PDXDC1: variants seen among roughly 807,000 people sequenced by gnomAD.
PDXDC1 encodes the protein pyridoxal-dependent decarboxylase domain-containing protein 1.
A neutral mutation model predicts 100.1 loss-of-function variants in PDXDC1; 42 were observed. The observed-to-expected ratio is 0.42, with a 90% CI of 0.33 to 0.54. PDXDC1 has a LOEUF of 0.54. PDXDC1 is among the 20% of genes least tolerant of loss of function. The pLI is 0.10. For missense variants in PDXDC1, 636 were observed against 979.2 expected, an observed-to-expected ratio of 0.65 and a Z score of 4.68; for synonymous variants, 260 against 371.7, an observed-to-expected ratio of 0.70 and a Z score of 3.46.
chr16:15,009,981 T>C (rs1272503012), intron 8 of PDXDC1, among the ~76,000 whole-genome samples: 1 of 152,302 alleles, frequency 6.6e-6, no homozygotes, highest in African/African-American at 2.4e-5. Flanking sequence ...GTATACTTTT[T>C]CATTTAGATG....
rs548149556 is a variant in PDXDC1, at chr16:14,999,379, G to C, written c.161+974G>C. 6.6e-5 allele frequency among the ~76,000 whole-genome samples: 10 copies of C among 152,014 alleles called. No individual in the cohort carries two copies. In the East Asian group the frequency reaches 2.0e-3, roughly 30 times the overall value. The stretch of plus-strand genomic sequence containing the variant: ...ACCGCACCTGGCCAAAAATTTTTTA[G>C]AAAACCAACAATTTAATACAACCTC... On this transcript the variant is annotated intron_variant, in intron 3 of 22. Coordinates refer to ENST00000396410, the MANE Select transcript of PDXDC1 (RefSeq NM_015027.4).
chr16:15,036,384 C>A lies in PDXDC1; in HGVS notation c.*109C>A. On this transcript the variant is annotated 3_prime_UTR_variant, in exon 23 of 23. Transcript: ENST00000396410. Reference sequence around the variant, plus strand: ...CTAATATAAATTACTGTTGTTTGTGCTTCACTGGGATTTTGGCACAAATAT... The same window carrying A: ...CTAATATAAATTACTGTTGTTTGTGATTCACTGGGATTTTGGCACAAATAT... 1 of 1,136,434 alleles carries A rather than the reference C, an allele frequency of 8.8e-7. No homozygotes were observed. Among genetic ancestry groups the A allele is most frequent in the African/African-American group, 1.5e-5 (1 of 64,532 alleles). The allele number at this position is 1,136,434 out of a possible 1,614,324, so 70.4% of individuals were successfully genotyped here.
intron 1 of PDXDC1, among the ~76,000 whole-genome samples, chr16:14,982,391 G>A (rs1485197829): frequency 1.3e-5 from 2 of 152,280 alleles, no homozygotes; most frequent in African/African-American, 4.8e-5. Context: ...GGGAGGCCGA[G>A]GTGGGTGGAT....
intron 16 of PDXDC1, among the ~76,000 whole-genome samples, chr16:15,057,786 G>A (rs2044579549): frequency 6.6e-6 from 1 of 152,250 alleles, no homozygotes; most frequent in Admixed American, 6.5e-5. Flanking sequence ...GCATTTGGAA[G>A]TGCAAAGGTG....
At chr16:15,047,606 A>C in intron 16 of PDXDC1, 1 of 1,263,090 alleles carries the variant, frequency 7.9e-7, no homozygotes, top group Non-Finnish European at 1.2e-6. Context: ...TGCAGTGCGC[A>C]GGCCGAGACT....
intron 16 of PDXDC1, chr16:15,131,265 T>G (rs1260705874): frequency 6.3e-7 from 1 of 1,588,460 alleles, no homozygotes; most frequent in East Asian, 2.2e-5. Context: ...TGGCGCGCTC[T>G]GAGGCCAGCC....
Position 15,035,509 on chromosome 16 carries a change from T to C in PDXDC1, c.2063T>C (p.Leu688Pro), listed in dbSNP as rs1401446597. The change falls in exon 22 of 23, where the codon CTG (leucine) becomes CCG (proline). Residue 688 changes from leucine to proline, a missense_variant. Transcript: ENST00000396410. ...VYKAQGAGVT[L>P]PPTPSGSRTK... is the part of the protein sequence containing the mutation. ...AAAGCACAAGGTGCAGGAGTCACGC[T>C]GCCTCCAACGCCCTCGGGCAGTCGC... 6 of 1,612,624 alleles carry C rather than the reference T, an allele frequency of 3.7e-6. No homozygotes were observed. Among genetic ancestry groups the C allele is most frequent in the Non-Finnish European group, 3.4e-6 (4 of 1,179,600 alleles).
chr16:15,041,819 T>C, downstream of PDXDC1: 3 of 696,106 alleles, frequency 4.3e-6, no homozygotes, highest in Non-Finnish European at 2.6e-6. Context: ...TGCCACAGCC[T>C]GGCCTATGGG....
intron 1 of PDXDC1, among the ~76,000 whole-genome samples, chr16:14,994,808 T>C (rs1330476949): frequency 6.6e-6 from 1 of 152,054 alleles, no homozygotes; most frequent in Non-Finnish European, 1.5e-5. Flanking sequence ...TATCCTCTTT[T>C]ATTTCATTGA....
the PDXDC1 span, among the ~76,000 whole-genome samples, chr16:15,151,930 C>CAAA: frequency 4.2e-4 from 18 of 43,342 alleles, no homozygotes; most frequent in African/African-American, 1.3e-3. Context: ...AACTCTGTCT[C>CAAA]AAAAAAAAAA....
chr16:15,070,614 G>T (rs989074633), intron 16 of PDXDC1, among the ~76,000 whole-genome samples: 37 of 152,070 alleles, frequency 2.4e-4, no homozygotes, highest in African/African-American at 8.2e-4. Flanking sequence ...CAGTCTGGTG[G>T]ACTTCAGTAT....
downstream of PDXDC1, chr16:15,039,876 G>A (rs1306988841): frequency 4.2e-6 from 3 of 719,966 alleles, no homozygotes; most frequent in Non-Finnish European, 7.3e-6. Flanking sequence ...GAAGCTGACA[G>A]CATAAACTTT....
intron 16 of PDXDC1, chr16:15,135,662 A>G: frequency 1.9e-6 from 3 of 1,594,724 alleles, no homozygotes; most frequent in South Asian, 2.2e-5. Flanking sequence ...TGTCGAAGCC[A>G]CACAGGCCCA....
intron 16 of PDXDC1, chr16:15,084,562 A>C (rs368911099): frequency 9.8e-7 from 1 of 1,022,426 alleles, no homozygotes. Flanking sequence ...CTTTAATACT[A>C]TTAACATTTT....
At chr16:15,094,458 A>G (rs751077447) in intron 16 of PDXDC1, 65 of 580,342 alleles carry the variant, frequency 1.1e-4, no homozygotes, top group Non-Finnish European at 1.7e-4. Flanking sequence ...GTATAAGGAG[A>G]GACGGGAAGG....
At chr16:15,082,928 C>G (rs2045764517) in intron 16 of PDXDC1, among the ~76,000 whole-genome samples, 1 of 152,162 alleles carries the variant, frequency 6.6e-6, no homozygotes, top group Non-Finnish European at 1.5e-5. Context: ...TCTAGTAATT[C>G]TTGTCCATAT....
At chr16:15,112,153 T>C (rs1416052559) in intron 16 of PDXDC1, among the ~76,000 whole-genome samples, 4 of 148,582 alleles carry the variant, frequency 2.7e-5, no homozygotes, top group African/African-American at 9.7e-5. Context: ...GTTCTCATCA[T>C]AGCTAAAATG....
At chr16:15,131,011 T>C (rs1277977764) in intron 16 of PDXDC1, 19 of 1,009,276 alleles carry the variant, frequency 1.9e-5, no homozygotes, top group African/African-American at 9.5e-5. Flanking sequence ...GAGACACCCA[T>C]GGAAGCCCTA....
intron 16 of PDXDC1, among the ~76,000 whole-genome samples, chr16:15,110,243 A>C (rs1461445569): frequency 6.7e-6 from 1 of 148,990 alleles, no homozygotes; most frequent in Non-Finnish European, 1.5e-5. Context: ...GAATGTAGGA[A>C]GGGAAAGGAA....
Sources: allele counts gnomAD v4.1 joint callset (sites outside exome capture counted in the v4.1 genomes callset), GRCh38; gene constraint gnomAD v4.1.1; transcripts MANE v1.5; gene names NCBI Gene and HGNC (gene_info 2026-07-23, HGNC 2026-07-21).